The following SHANK2 variants were observed in gnomAD, a reference collection of about 807,000 sequenced individuals.
SHANK2 encodes SH3 and multiple ankyrin repeat domains protein 2.
SHANK2 carries 43 observed loss-of-function variants against 133.7 expected under a neutral mutation model. The observed-to-expected ratio is 0.32, with a 90% CI of 0.25 to 0.41. The LOEUF is 0.41. SHANK2 is among the 10% of genes least tolerant of loss of function. The probability of loss-of-function intolerance (pLI) is 1.00; values close to 1 mark genes in which losing one functional copy is unlikely to be tolerated. For synonymous variants in SHANK2, 1,017 were observed against 952.8 expected, an observed-to-expected ratio of 1.07 and a Z score of -1.24; for missense variants, 1,994 against 2,235.8, an observed-to-expected ratio of 0.89 and a Z score of 2.18.
intron 6 of SHANK2, among the ~76,000 whole-genome samples, chr11:71,096,424 AG>A (rs1951614016): frequency 6.6e-6 from 1 of 152,130 alleles, no homozygotes; most frequent in Admixed American, 6.6e-5. Context: ...AACAAACTCA[AG>A]GGGTGACCCC....
At chr11:70,927,122 T>C (rs1950439952) in intron 10 of SHANK2, among the ~76,000 whole-genome samples, 1 of 152,176 alleles carries the variant, frequency 6.6e-6, no homozygotes, top group Admixed American at 6.5e-5. Flanking sequence ...TTAATTTCTT[T>C]GTTTTAAAAA....
At chr11:71,099,323 G>A (rs1403358671) in intron 6 of SHANK2, among the ~76,000 whole-genome samples, 2 of 152,136 alleles carry the variant, frequency 1.3e-5, no homozygotes, top group East Asian at 1.9e-4. Context: ...CATCGATATC[G>A]GTTCTCTAAC....
intron 14 of SHANK2, among the ~76,000 whole-genome samples, chr11:70,703,613 G>A (rs577496800): frequency 6.6e-4 from 100 of 152,210 alleles, no homozygotes; most frequent in South Asian, 1.5e-3. Flanking sequence ...TGGTGAAAAC[G>A]TGGGTCACAA....
chr11:71,208,323 T>TG (rs1565515356), intron 2 of SHANK2, among the ~76,000 whole-genome samples: 1 of 151,392 alleles, frequency 6.6e-6, no homozygotes, highest in African/African-American at 2.4e-5. Flanking sequence ...ATGGGGAAGT[T>TG]GGGGGGAGAA....
intron 17 of SHANK2, 104 bp downstream of exon 17, chr11:70,659,724 C>T (rs1342658988): frequency 1.4e-6 from 2 of 1,416,514 alleles, no homozygotes; most frequent in Non-Finnish European, 2.0e-6. Flanking sequence ...CCTCCACAAG[C>T]ACCCCCAGAC....
chr11:71,179,105 G>A (rs1953501205), intron 2 of SHANK2, among the ~76,000 whole-genome samples: 1 of 152,150 alleles, frequency 6.6e-6, no homozygotes, highest in East Asian at 1.9e-4. Flanking sequence ...TGCCTTCTGT[G>A]AGGCCAATAT....
chr11:70,872,851 C>T (rs535376121), intron 11 of SHANK2, among the ~76,000 whole-genome samples: 1 of 152,232 alleles, frequency 6.6e-6, no homozygotes, highest in East Asian at 1.9e-4. Context: ...TGGAACATGG[C>T]ATTGATTGCT....
chr11:70,742,452 T>C (rs1278340146), intron 14 of SHANK2, among the ~76,000 whole-genome samples: 4 of 152,210 alleles, frequency 2.6e-5, no homozygotes, highest in Non-Finnish European at 5.9e-5. Context: ...GTTCTCTGCC[T>C]AGGTCCAGGA....
chr11:70,898,608 C>T (rs78116059), intron 10 of SHANK2, among the ~76,000 whole-genome samples: 114 of 152,084 alleles, frequency 7.5e-4, no homozygotes, highest in African/African-American at 2.6e-3. Context: ...ACTGTGTGAG[C>T]GATAAAATCA....
chr11:71,208,111 G>A (rs1565515202), intron 2 of SHANK2, among the ~76,000 whole-genome samples: 1 of 152,122 alleles, frequency 6.6e-6, no homozygotes, highest in African/African-American at 2.4e-5. Flanking sequence ...CTAGTCCAGC[G>A]TCCCTGTACT....
At chr11:71,148,666 C>A (rs6591903) in intron 2 of SHANK2, among the ~76,000 whole-genome samples, 9,770 of 152,212 alleles carry the variant, frequency 0.064, 671 homozygotes, top group African/African-American at 0.17. Flanking sequence ...GCATGGTCAC[C>A]CTGATTGTTT....
At chr11:70,855,334 G>A (rs1163159319) in intron 11 of SHANK2, among the ~76,000 whole-genome samples, 1 of 152,248 alleles carries the variant, frequency 6.6e-6, no homozygotes, top group African/African-American at 2.4e-5. Flanking sequence ...TATCTAGAAT[G>A]TTGGGTTCTG....
At chr11:70,904,159 CAAGTAGT>C (rs1950064475) in intron 10 of SHANK2, among the ~76,000 whole-genome samples, 1 of 152,192 alleles carries the variant, frequency 6.6e-6, no homozygotes, top group Middle Eastern at 3.2e-3. Flanking sequence ...ACAAACCACT[CAAGTAGT>C]AAGTGGTGAG....
chr11:71,178,033 T>C (rs1953480623), intron 2 of SHANK2, among the ~76,000 whole-genome samples: 1 of 152,158 alleles, frequency 6.6e-6, no homozygotes, highest in Non-Finnish European at 1.5e-5. Flanking sequence ...TTTCCAGAAG[T>C]TTAAATAGAG....
intron 11 of SHANK2, among the ~76,000 whole-genome samples, chr11:70,834,294 T>C (rs1159746860): frequency 6.6e-6 from 1 of 151,930 alleles, no homozygotes; most frequent in Non-Finnish European, 1.5e-5. Flanking sequence ...CACCTGAGCC[T>C]ATTTCCACCT....
intron 15 of SHANK2, among the ~76,000 whole-genome samples, chr11:70,666,052 G>T (rs1944672928): frequency 6.6e-6 from 1 of 152,194 alleles, no homozygotes; most frequent in Non-Finnish European, 1.5e-5. Context: ...ACTCAAGTCA[G>T]GAGCAGAGCA....
At chr11:70,506,233 A>AGAG (rs2059135927) in intron 17 of SHANK2, among the ~76,000 whole-genome samples, 1 of 152,068 alleles carries the variant, frequency 6.6e-6, no homozygotes, top group African/African-American at 2.4e-5. Context: ...CCACACACTC[A>AGAG]TGCTGCCCCA....
At position 70,513,163 on chromosome 11, in the gene SHANK2, GT is replaced by G. The variant is rs146172564; in HGVS notation, c.2062-10233del. Among the ~76,000 whole-genome samples the G allele has an allele frequency of 1.4e-3, 200 of 143,870 alleles. 3 individuals carry two copies. In the South Asian group the frequency reaches 0.025, roughly 18 times the overall value. 94.4% of individuals were successfully genotyped at this position (143,870 alleles called of 152,430 possible). On this transcript the variant is annotated intron_variant, in intron 17 of 25. Transcript: ENST00000601538. ...TGGTATGAGTCACCTGCAGTTTTTT[GT>G]TTTTTTTTTTTAAATCCAGATCCTG... is the stretch of plus-strand genomic sequence containing the variant.
rs1038619563 is a variant in SHANK2, at chr11:70,804,034, C to T, written c.1663+2968G>A. Among the ~76,000 whole-genome samples the T allele has an allele frequency of 3.3e-5, 5 of 152,044 alleles. No homozygotes were observed. The highest frequency in any genetic ancestry group is 7.4e-5 in the Non-Finnish European group (5 of 67,994). On this transcript the variant is annotated intron_variant, in intron 13 of 25. Transcript: ENST00000601538. The surrounding 1 kb of genome is among the most constrained non-coding windows in gnomAD (Gnocchi z 4.1). ...GGAGCAGCAGTGTTATCAGCAGGAC[C>T]CCAGGGCCACCCTGGGGCCCGTCAC...
Sources: gnomAD v4.1 joint callset for allele counts (sites outside exome capture counted in the v4.1 genomes callset) on GRCh38, gnomAD v4.1.1 for gene constraint, Gnocchi (gnomAD v3.1) non-coding constraint, MANE v1.5 for transcripts, NCBI Gene and HGNC (gene_info 2026-07-23, HGNC 2026-07-21) for gene names.